Variants in RBMS3 observed in about 807,000 individuals in gnomAD.
RBMS3 encodes the protein RNA binding motif single stranded interacting protein 3.
A neutral mutation model predicts 66.8 loss-of-function variants in RBMS3; 27 were observed. The ratio of observed to expected loss-of-function variants is 0.40; its 90% CI spans 0.30 to 0.56. The LOEUF is 0.56. Among genes scored for constraint, RBMS3 ranks in the 20% least tolerant of loss-of-function variants. The pLI is 0.40. For synonymous variants in RBMS3, 188 were observed against 183.0 expected (o/e 1.03, Z -0.22); for missense variants, 513 against 549.5 (o/e 0.93, Z 0.66).
At chr3:29,547,610 A>G (rs2046010081) in intron 3 of RBMS3, among the ~76,000 whole-genome samples, 1 of 151,984 alleles carries the variant, frequency 6.6e-6, no homozygotes, top group Non-Finnish European at 1.5e-5. Context: ...TTTCTGATTC[A>G]GGGGATTCAC....
chr3:29,405,049 G>A (rs2039959132), intron 1 of RBMS3, among the ~76,000 whole-genome samples: 1 of 152,136 alleles, frequency 6.6e-6, no homozygotes, highest in Non-Finnish European at 1.5e-5. Flanking sequence ...ATAAATGATT[G>A]TGCTTAGTCA....
At chr3:29,578,795 T>TATGTAGAA (rs1404423940) in intron 3 of RBMS3, among the ~76,000 whole-genome samples, 5 of 113,750 alleles carry the variant, frequency 4.4e-5, no homozygotes, top group East Asian at 4.6e-4. Flanking sequence ...TGCTTCTTTT[T>TATGTAGAA]TTTTTTTTTT....
intron 14 of RBMS3, among the ~76,000 whole-genome samples, chr3:29,997,187 G>C (rs1051464137): frequency 4.6e-5 from 7 of 152,004 alleles, no homozygotes; most frequent in African/African-American, 7.3e-5. Context: ...ATAAATTCCT[G>C]GACACATACA....
chr3:29,377,783 G>C (rs1441415080), intron 1 of RBMS3, among the ~76,000 whole-genome samples: 1 of 152,118 alleles, frequency 6.6e-6, no homozygotes, highest in Non-Finnish European at 1.5e-5. Flanking sequence ...ACTGATATAT[G>C]ACCCCCAATA....
In RBMS3 at chr3:29,320,349, C is replaced by A. The variant is rs532408142; in HGVS notation, c.75+38593C>A. On this transcript the variant is annotated intron_variant, in intron 1 of 14. Transcript: ENST00000383767. The stretch of plus-strand genomic sequence containing the variant: ...TTAAATATCAAACTCCTTTTAAATG[C>A]TCTAAAGGAATTTCATGAAAAATGT... 1.4e-4 allele frequency among the ~76,000 whole-genome samples: 21 copies of A among 152,038 alleles called. 1 individual carries two copies. In the South Asian group the frequency reaches 2.5e-3, roughly 18 times the overall value.
intron 14 of RBMS3, among the ~76,000 whole-genome samples, chr3:30,002,692 C>A (rs540138260): frequency 1.3e-5 from 2 of 151,956 alleles, no homozygotes; most frequent in Non-Finnish European, 2.9e-5. Context: ...CAACTAGTTG[C>A]TTTCCTCACA....
chr3:29,681,868 C>T (rs2051510960), intron 4 of RBMS3, among the ~76,000 whole-genome samples: 1 of 152,072 alleles, frequency 6.6e-6, no homozygotes, highest in South Asian at 2.1e-4. Flanking sequence ...GGGTATATAC[C>T]CAGTAATGAA....
chr3:29,772,703 G>A (rs2056263188), intron 6 of RBMS3, among the ~76,000 whole-genome samples: 1 of 151,948 alleles, frequency 6.6e-6, no homozygotes, highest in Admixed American at 6.6e-5. Context: ...TCTGAAGACA[G>A]GCCAGGGTAA....
chr3:29,490,112 T>C (rs1012020630), intron 3 of RBMS3, among the ~76,000 whole-genome samples: 3 of 150,946 alleles, frequency 2.0e-5, no homozygotes, highest in Admixed American at 6.6e-5. Flanking sequence ...TTGTGTAGGT[T>C]TTTAAATGAT....
At chr3:29,439,614 T>TTATTTTA in intron 2 of RBMS3, among the ~76,000 whole-genome samples, 1 of 151,912 alleles carries the variant, frequency 6.6e-6, no homozygotes, top group East Asian at 1.9e-4. Flanking sequence ...TATTTATTTT[T>TTATTTTA]ATTATTATTA....
At chr3:29,847,700 G>T (rs1043451881) in intron 6 of RBMS3, among the ~76,000 whole-genome samples, 1 of 151,602 alleles carries the variant, frequency 6.6e-6, no homozygotes, top group Admixed American at 6.6e-5. Context: ...CTGTCGCCCA[G>T]GCTGGAGTGC....
chr3:29,580,682 T>A (rs1023305425), intron 3 of RBMS3, among the ~76,000 whole-genome samples: 3 of 147,660 alleles, frequency 2.0e-5, no homozygotes, highest in South Asian at 2.1e-4. Context: ...AATTTAATAA[T>A]ATAATAATAA....
At chr3:29,675,045 C>T (rs1214625304) in intron 4 of RBMS3, among the ~76,000 whole-genome samples, 2 of 152,050 alleles carry the variant, frequency 1.3e-5, no homozygotes, top group Non-Finnish European at 1.5e-5. Flanking sequence ...GGTACTGGTA[C>T]CAAAACAGCA....
At chr3:29,305,446 T>C (rs2033944106) in intron 1 of RBMS3, among the ~76,000 whole-genome samples, 1 of 151,930 alleles carries the variant, frequency 6.6e-6, no homozygotes, top group African/African-American at 2.4e-5. Context: ...CAATACATAC[T>C]CCTTGAGTGA....
chr3:29,836,712 C>T (rs550544765), intron 6 of RBMS3, among the ~76,000 whole-genome samples: 17 of 151,872 alleles, frequency 1.1e-4, no homozygotes, highest in African/African-American at 3.6e-4. Flanking sequence ...ATCCTTACAA[C>T]ACACACAATA....
At position 29,797,416 on chromosome 3, in the gene RBMS3, C is replaced by T. The variant is rs148839326; in HGVS notation, c.637+34427C>T. On this transcript the variant is annotated intron_variant, in intron 6 of 14. Coordinates refer to ENST00000383767, the MANE Select transcript of RBMS3 (RefSeq NM_001003793.3). ...GATCTTGCTCTGGACTAAGCTTTGG[C>T]ATTAAGAAATGTAGCTAGTTTGATC... 3.1e-3 allele frequency among the ~76,000 whole-genome samples: 475 copies of T among 152,306 alleles called. 1 individual carries two copies. Among genetic ancestry groups the T allele is most frequent in the Middle Eastern group, 6.8e-3 (2 of 294 alleles).
intron 1 of RBMS3, among the ~76,000 whole-genome samples, chr3:29,382,813 G>A (rs562209697): frequency 6.6e-6 from 1 of 150,420 alleles, no homozygotes; most frequent in African/African-American, 2.4e-5. Flanking sequence ...AGAATCCAGA[G>A]ATGAGACATC....
At chr3:29,360,719 A>G (rs1178524717) in intron 1 of RBMS3, among the ~76,000 whole-genome samples, 1 of 151,984 alleles carries the variant, frequency 6.6e-6, no homozygotes, top group Non-Finnish European at 1.5e-5. Flanking sequence ...TGCTTTATGA[A>G]TCTGGGTGCT....
At chr3:29,447,752 A>G (rs1389123347) in intron 2 of RBMS3, among the ~76,000 whole-genome samples, 1 of 152,148 alleles carries the variant, frequency 6.6e-6, no homozygotes, top group Non-Finnish European at 1.5e-5. Flanking sequence ...TGTTCAAATG[A>G]TTTTTTACGC....
Sources: allele counts gnomAD v4.1 joint callset (sites outside exome capture counted in the v4.1 genomes callset), GRCh38; gene constraint gnomAD v4.1.1; transcripts MANE v1.5; gene names NCBI Gene and HGNC (gene_info 2026-07-23, HGNC 2026-07-21).